The following DLGAP2 variants were observed in gnomAD, a reference collection of about 807,000 sequenced individuals.
DLGAP2 encodes disks large-associated protein 2.
Under a neutral mutation model 100.3 loss-of-function variants are expected in DLGAP2, and 26 were observed. That is an observed-to-expected ratio of 0.26 (90% CI 0.19 to 0.36). The LOEUF (loss-of-function observed/expected upper bound fraction) is 0.36. DLGAP2 is among the 10% of genes least tolerant of loss of function. DLGAP2 has a pLI of 1.00. For synonymous variants in DLGAP2, 886 were observed against 630.1 expected (o/e 1.41, Z -6.08); for missense variants, 1,858 against 1,453.2 (o/e 1.28, Z -4.53).
At chr8:1,473,749 C>G (rs1340587082) in intron 3 of DLGAP2, among the ~76,000 whole-genome samples, 1 of 152,138 alleles carries the variant, frequency 6.6e-6, no homozygotes, top group African/African-American at 2.4e-5. Context: ...GTGGGTCCCT[C>G]CATACTGTTC....
intron 3 of DLGAP2, among the ~76,000 whole-genome samples, chr8:1,269,071 TTCA>T (rs1799526533): frequency 6.6e-6 from 1 of 152,140 alleles, no homozygotes; most frequent in South Asian, 2.1e-4. Context: ...CAGATGTGAA[TTCA>T]TCAAGTCTAA....
intron 1 of DLGAP2, among the ~76,000 whole-genome samples, chr8:882,304 C>A (rs1321186642): frequency 6.6e-6 from 1 of 151,228 alleles, no homozygotes; most frequent in Non-Finnish European, 1.5e-5. Flanking sequence ...CTGCGGAGGC[C>A]TCTCCTGCGG....
At chr8:1,272,419 T>C (rs1167551058) in intron 3 of DLGAP2, among the ~76,000 whole-genome samples, 1 of 151,960 alleles carries the variant, frequency 6.6e-6, no homozygotes, top group African/African-American at 2.4e-5. Flanking sequence ...TATTTAGAAG[T>C]TTTGTATATA....
rs542850180 is a variant in DLGAP2 at position 873,495 on chromosome 8, C to G, written c.19-34417C>G. Among the ~76,000 whole-genome samples, 291 of 152,168 alleles carry G rather than the reference C, an allele frequency of 1.9e-3. 1 individual carries two copies. The highest frequency in any genetic ancestry group is 6.7e-3 in the African/African-American group (279 of 41,532). ...AGATGCCTTTTATTAAGTCAAGGAACTTTCCTTCTATTTCTAACTTATTGC... is the reference window on the plus strand; with the variant it reads ...AGATGCCTTTTATTAAGTCAAGGAAGTTTCCTTCTATTTCTAACTTATTGC... On this transcript the variant is annotated intron_variant, in intron 1 of 14. Transcript: ENST00000637795.
intron 3 of DLGAP2, among the ~76,000 whole-genome samples, chr8:1,271,270 C>T (rs938341833): frequency 1.3e-5 from 2 of 152,202 alleles, no homozygotes; most frequent in African/African-American, 4.8e-5. Context: ...AGACCTCCAG[C>T]CAGCGGTGTG....
intron 2 of DLGAP2, among the ~76,000 whole-genome samples, chr8:1,196,992 C>A (rs189017054): frequency 6.6e-6 from 1 of 152,076 alleles, no homozygotes; most frequent in Admixed American, 6.5e-5. Flanking sequence ...ATTAAGTCTG[C>A]GTTTGAAGGC....
chr8:1,023,942 C>A (rs948568593), intron 2 of DLGAP2, among the ~76,000 whole-genome samples: 1 of 148,046 alleles, frequency 6.8e-6, no homozygotes, highest in Non-Finnish European at 1.5e-5. Context: ...CTGCTGCTTT[C>A]TAAGTGTGGG....
At chr8:1,018,375 C>T (rs1460851058) in intron 2 of DLGAP2, among the ~76,000 whole-genome samples, 1 of 152,174 alleles carries the variant, frequency 6.6e-6, no homozygotes, top group East Asian at 1.9e-4. Context: ...TTCTATTTCG[C>T]ATTAGGTTGG....
At chr8:1,363,167 G>A (rs1050750101) in intron 3 of DLGAP2, among the ~76,000 whole-genome samples, 2 of 152,250 alleles carry the variant, frequency 1.3e-5, no homozygotes, top group African/African-American at 2.4e-5. Flanking sequence ...GGTGGAGCTG[G>A]CTGCCAGGCT....
intron 2 of DLGAP2, among the ~76,000 whole-genome samples, chr8:1,051,028 GGGGTCATTTTGTGGT>G (rs1802668060): frequency 6.7e-6 from 1 of 150,144 alleles, no homozygotes; most frequent in African/African-American, 2.5e-5. Flanking sequence ...TTCGTGGGTG[GGGGTCATTTTGTGGT>G]GGGTCATTTC....
At chr8:1,629,440 A>G (rs904168195) in intron 7 of DLGAP2, among the ~76,000 whole-genome samples, 4 of 152,334 alleles carry the variant, frequency 2.6e-5, no homozygotes, top group Non-Finnish European at 5.9e-5. Flanking sequence ...CCCCCTGCAA[A>G]CAATAACATC....
At chr8:1,592,088 G>C (rs748486302) in intron 6 of DLGAP2, among the ~76,000 whole-genome samples, 28 of 152,112 alleles carry the variant, frequency 1.8e-4, no homozygotes, top group Non-Finnish European at 3.7e-4. Flanking sequence ...GCCCTTGTTG[G>C]GCCCAGACAC....
At chr8:1,418,667 A>T (rs1055277932) in intron 3 of DLGAP2, among the ~76,000 whole-genome samples, 3 of 151,970 alleles carry the variant, frequency 2.0e-5, no homozygotes, top group Admixed American at 6.6e-5. Context: ...TCTTTGCTAC[A>T]CTCACGCCAA....
At position 1,305,947 on chromosome 8, in the gene DLGAP2, A is replaced by G. The variant is rs145124314; in HGVS notation, c.106+47064A>G. On this transcript the variant is annotated intron_variant, in intron 3 of 14. Coordinates refer to ENST00000637795, the MANE Select transcript of DLGAP2 (RefSeq NM_001346810.2). ...CTTTTATACTGTTCATTCTGATAGT[A>G]TAGGGAACAACTACTAATTTTTGCA... 6.0e-3 allele frequency among the ~76,000 whole-genome samples: 913 copies of G among 152,306 alleles called. 8 individuals carry two copies. The highest frequency in any genetic ancestry group is 0.014 in the Middle Eastern group (4 of 294).
At chr8:1,432,906 C>A (rs1325637989) in intron 3 of DLGAP2, among the ~76,000 whole-genome samples, 2 of 152,164 alleles carry the variant, frequency 1.3e-5, no homozygotes, top group African/African-American at 4.8e-5. Flanking sequence ...GACCAGAGAC[C>A]CTGGGAATGG....
chr8:770,464 A>G (rs1218338814), intron 1 of DLGAP2, among the ~76,000 whole-genome samples: 1 of 152,196 alleles, frequency 6.6e-6, no homozygotes, highest in Non-Finnish European at 1.5e-5. Flanking sequence ...GAATTTTGAG[A>G]CTGAAGATAC....
At chr8:1,276,641 C>G (rs1201385789) in intron 3 of DLGAP2, among the ~76,000 whole-genome samples, 1 of 150,306 alleles carries the variant, frequency 6.7e-6, no homozygotes, top group Non-Finnish European at 1.5e-5. Context: ...GCTTTGACTT[C>G]CCAGCACACG....
At chr8:1,424,690 C>T (rs1249217251) in intron 3 of DLGAP2, among the ~76,000 whole-genome samples, 2 of 152,078 alleles carry the variant, frequency 1.3e-5, no homozygotes, top group African/African-American at 4.8e-5. Flanking sequence ...CTGGAGGAGT[C>T]AGATGCACAG....
At chr8:1,576,102 T>C (rs1182742158) in intron 6 of DLGAP2, among the ~76,000 whole-genome samples, 8 of 152,182 alleles carry the variant, frequency 5.3e-5, no homozygotes, top group Non-Finnish European at 1.2e-4. Context: ...AAAGTGTTCC[T>C]ATTTCTCCAC....
Sources: gnomAD v4.1 joint callset for allele counts (sites outside exome capture counted in the v4.1 genomes callset) on GRCh38, gnomAD v4.1.1 for gene constraint, MANE v1.5 for transcripts, NCBI Gene and HGNC (gene_info 2026-07-23, HGNC 2026-07-21) for gene names.